GRIA4: variants seen among roughly 807,000 people sequenced by gnomAD.
GRIA4 encodes the protein glutamate ionotropic receptor AMPA type subunit 4.
Under a neutral mutation model 104.0 loss-of-function variants are expected in GRIA4, and 34 were observed. The observed-to-expected ratio is 0.33, with a 90% confidence interval of 0.25 to 0.44. The LOEUF is 0.44. GRIA4 is among the 20% of genes least tolerant of loss of function. The pLI, the probability that GRIA4 is intolerant of heterozygous loss-of-function variation, is 1.00. For synonymous variants in GRIA4, 386 were observed against 381.9 expected, an observed-to-expected ratio of 1.01 and a Z score of -0.13; for missense variants, 750 against 1,096.5, an observed-to-expected ratio of 0.68 and a Z score of 4.46.
chr11:105,649,663 G>A (rs767196636), intron 3 of GRIA4, among the ~76,000 whole-genome samples: 1 of 152,026 alleles, frequency 6.6e-6, no homozygotes, highest in East Asian at 1.9e-4. Flanking sequence ...AACTTTATGA[G>A]ATTTCCTTTG....
At chr11:105,681,424 A>G (rs1356625482) in intron 3 of GRIA4, among the ~76,000 whole-genome samples, 2 of 152,178 alleles carry the variant, frequency 1.3e-5, no homozygotes, top group Non-Finnish European at 2.9e-5. Context: ...TGTGGCTTCA[A>G]TTAGAAGCTC....
intron 4 of GRIA4, among the ~76,000 whole-genome samples, chr11:105,856,327 T>A (rs773079625): frequency 3.6e-4 from 55 of 152,172 alleles, no homozygotes; most frequent in Non-Finnish European, 5.9e-4. Context: ...TCTTGTAATA[T>A]ATCCCTTGCC....
intron 3 of GRIA4, among the ~76,000 whole-genome samples, chr11:105,695,979 A>T (rs952777263): frequency 1.3e-5 from 2 of 152,192 alleles, no homozygotes; most frequent in Non-Finnish European, 2.9e-5. Context: ...AAGAAGGCAA[A>T]CAAGCACTTC....
chr11:105,673,733 T>G (rs1236108154), intron 3 of GRIA4, among the ~76,000 whole-genome samples: 1 of 152,010 alleles, frequency 6.6e-6, no homozygotes, highest in East Asian at 1.9e-4. Flanking sequence ...TTGAAGTTTC[T>G]CACATTTCTT....
At chr11:105,720,465 G>A (rs1442062952) in intron 3 of GRIA4, among the ~76,000 whole-genome samples, 2 of 152,082 alleles carry the variant, frequency 1.3e-5, no homozygotes, top group African/African-American at 2.4e-5. Flanking sequence ...GAAATGATGG[G>A]TTTCTCAAAA....
At chr11:105,727,590 T>C (rs1478272095) in intron 3 of GRIA4, among the ~76,000 whole-genome samples, 2 of 151,910 alleles carry the variant, frequency 1.3e-5, no homozygotes. Flanking sequence ...TCACCAAGGT[T>C]GAAATGAAGG....
At chr11:105,655,681 C>T (rs1294479332) in intron 3 of GRIA4, among the ~76,000 whole-genome samples, 1 of 152,098 alleles carries the variant, frequency 6.6e-6, no homozygotes, top group Non-Finnish European at 1.5e-5. Context: ...TTTATGGCTG[C>T]ATAGTATTCC....
chr11:105,841,505 G>A (rs954051060), intron 4 of GRIA4, among the ~76,000 whole-genome samples: 7 of 152,010 alleles, frequency 4.6e-5, no homozygotes, highest in African/African-American at 1.7e-4. Flanking sequence ...AGAAAATCAG[G>A]ATAGTGTGGA....
At chr11:105,926,140 A>G (rs1947697183) in intron 12 of GRIA4, among the ~76,000 whole-genome samples, 1 of 152,044 alleles carries the variant, frequency 6.6e-6, no homozygotes, top group Admixed American at 6.6e-5. Flanking sequence ...GGTCACTTCG[A>G]GACCAATTCT....
At chr11:105,726,850 AG>A (rs757500890) in intron 3 of GRIA4, among the ~76,000 whole-genome samples, 4 of 152,154 alleles carry the variant, frequency 2.6e-5, no homozygotes, top group South Asian at 2.1e-4. Context: ...ATTAAAAAAA[AG>A]GACAACCAAG....
At chr11:105,873,148 C>T (rs559129094) in intron 5 of GRIA4, among the ~76,000 whole-genome samples, 1 of 152,242 alleles carries the variant, frequency 6.6e-6, no homozygotes, top group African/African-American at 2.4e-5. Flanking sequence ...TTGTTCAACT[C>T]TCACTTATGA....
At chr11:105,728,509 A>C (rs1420777474) in intron 3 of GRIA4, among the ~76,000 whole-genome samples, 1 of 152,200 alleles carries the variant, frequency 6.6e-6, no homozygotes, top group Non-Finnish European at 1.5e-5. Flanking sequence ...CAGATCTAAT[A>C]GACATCTACA....
At chr11:105,688,128 A>ATATCTC in intron 3 of GRIA4, among the ~76,000 whole-genome samples, 1 of 77,320 alleles carries the variant, frequency 1.3e-5, no homozygotes, top group Non-Finnish European at 3.0e-5. Flanking sequence ...ATCTATATCT[A>ATATCTC]TATCTATATC....
At chr11:105,860,374 T>C (rs1008035916) in intron 4 of GRIA4, among the ~76,000 whole-genome samples, 1 of 152,152 alleles carries the variant, frequency 6.6e-6, no homozygotes, top group African/African-American at 2.4e-5. Flanking sequence ...TCAACAAATA[T>C]GCCCTAATCT....
At chr11:105,803,841 T>TA in intron 4 of GRIA4, among the ~76,000 whole-genome samples, 1 of 97,372 alleles carries the variant, frequency 1.0e-5, no homozygotes, top group African/African-American at 5.1e-5. Flanking sequence ...ATTGGTGCTA[T>TA]ACCAAAAAAA....
In GRIA4 at chr11:105,921,323, G is replaced by A. The variant is rs185776521; in HGVS notation, c.1476+2405G>A. On this transcript the variant is annotated intron_variant, in intron 11 of 16. Coordinates refer to ENST00000282499, the MANE Select transcript of GRIA4 (RefSeq NM_000829.4). ...CACACTTGGGTGTGTGTGTGTGTGTGTGTGTGTGTGTGTGTGTGTGTGTGT... is the reference window on the plus strand; with the variant it reads ...CACACTTGGGTGTGTGTGTGTGTGTATGTGTGTGTGTGTGTGTGTGTGTGT... 3.4e-4 allele frequency among the ~76,000 whole-genome samples: 51 copies of A among 151,688 alleles called. 1 individual carries two copies. In the East Asian group the frequency reaches 6.2e-3, roughly 19 times the overall value.
intron 3 of GRIA4, among the ~76,000 whole-genome samples, chr11:105,676,535 A>G (rs936910932): frequency 1.3e-5 from 2 of 151,724 alleles, no homozygotes; most frequent in Admixed American, 6.6e-5. Flanking sequence ...AAAAAGAATC[A>G]CTATATCTAT....
intron 5 of GRIA4, among the ~76,000 whole-genome samples, chr11:105,865,055 A>G (rs1288777199): frequency 6.6e-6 from 1 of 152,238 alleles, no homozygotes; most frequent in East Asian, 1.9e-4. Context: ...TCTTCTATAC[A>G]TGTTTTCCAA....
intron 4 of GRIA4, among the ~76,000 whole-genome samples, chr11:105,794,296 A>G (rs919708855): frequency 2.0e-4 from 30 of 150,746 alleles, no homozygotes; most frequent in African/African-American, 7.3e-4. Flanking sequence ...ATGAAATGCT[A>G]GAGACTGCTT....
Sources: gnomAD v4.1 joint callset for allele counts (sites outside exome capture counted in the v4.1 genomes callset) on GRCh38, gnomAD v4.1.1 for gene constraint, MANE v1.5 for transcripts, NCBI Gene and HGNC (gene_info 2026-07-23, HGNC 2026-07-21) for gene names.